The following NDUFS1 variants were observed in gnomAD, a reference collection of about 807,000 sequenced individuals.
The protein encoded by NDUFS1 is NADH:ubiquinone oxidoreductase core subunit S1.
NDUFS1 carries 61 observed loss-of-function variants against 84.4 expected under a neutral mutation model. That is an observed-to-expected ratio of 0.72 (90% confidence interval 0.59 to 0.89). The LOEUF (loss-of-function observed/expected upper bound fraction) is 0.89, where lower values mean the gene tolerates loss of function less well. NDUFS1 is among the 40% of genes least tolerant of loss of function. The probability of loss-of-function intolerance (pLI) is 0.00; values close to 1 mark genes in which losing one functional copy is unlikely to be tolerated. For missense variants in NDUFS1, 891 were observed against 890.0 expected (o/e 1.00, Z -0.01); for synonymous variants, 275 against 290.0 (o/e 0.95, Z 0.53).
rs2105782198 is a variant in NDUFS1, at chr2:206,159,415, T to C, written c.-79A>G. ...ACGACCCCCTAGGAGGCCGGGTCGC[T>C]TATTCAATATGGCGGCCTCGGCTAA... On this transcript the variant is annotated 5_prime_UTR_variant, in exon 1 of 19. Transcript: ENST00000233190. 2.1e-6 allele frequency: 1 copy of C among 487,616 alleles called. No homozygotes were observed. Among genetic ancestry groups the C allele is most frequent in the Non-Finnish European group, 3.7e-6 (1 of 271,100 alleles). 30.2% of individuals were successfully genotyped at this position (487,616 alleles called of 1,614,324 possible).
chr2:206,116,239 T>G lies in NDUFS1; in HGVS notation c.*7946A>C, dbSNP rs1559035517. 3.3e-6 allele frequency: 4 copies of G among 1,197,788 alleles called. No individual in the cohort carries two copies. In the East Asian group the frequency reaches 9.3e-5, roughly 28 times the overall value. 74.2% of individuals were successfully genotyped at this position (1,197,788 alleles called of 1,614,324 possible). A position where few individuals can be genotyped will look rare whatever the true frequency, so the allele number is the denominator to read the frequency against. On this transcript the variant is annotated 3_prime_UTR_variant, in exon 19 of 19. Coordinates refer to ENST00000233190, the MANE Select transcript of NDUFS1 (RefSeq NM_005006.7). ...CATAACGAGATTTGTTTACAAGTCC[T>G]GGATTTTCTGCAAGAGCTTCATTAA...
rs747302489 is a variant in NDUFS1, at chr2:206,149,051, G to T, written c.307C>A (p.Leu103Ile). Residue 103 changes from leucine to isoleucine, a missense_variant, in exon 5 of 19, where the codon CTA becomes ATA. Coordinates refer to ENST00000233190, the MANE Select transcript of NDUFS1 (RefSeq NM_005006.7). ...TTTTTGGATTTTTCTGAGTTTGTTA[G>T]GATATTCCAACCCTTCATTACTGGC... is the stretch of plus-strand genomic sequence containing the variant. ...AMPVMKGWNI[L>I]TNSEKSKKAR... The T allele has an allele frequency of 5.0e-6, 8 of 1,613,084 alleles. No homozygotes were observed. In the South Asian group the frequency reaches 8.8e-5, roughly 18 times the overall value.
In NDUFS1 at chr2:206,133,120, A is replaced by C. The variant is rs1691580395; in HGVS notation, c.1393-15T>G. The C allele has an allele frequency of 3.1e-6, 5 of 1,590,792 alleles. No homozygotes were observed. In the East Asian group the frequency reaches 9.0e-5, roughly 28 times the overall value. ...TCCTTTAGGACCTATTTAAAAAAAA[A>C]AACAACTTTGATTTTAAAATATTAC... is the stretch of plus-strand genomic sequence containing the variant. On this transcript the variant is annotated splice_polypyrimidine_tract_variant and intron_variant, in intron 13 of 18. Transcript: ENST00000233190.
At chr2:206,130,588 C>A (rs1480879477) in intron 14 of NDUFS1, among the ~76,000 whole-genome samples, 1 of 152,176 alleles carries the variant, frequency 6.6e-6, no homozygotes, top group Non-Finnish European at 1.5e-5. Context: ...CTCTTGACCT[C>A]AGGTGATCCA....
At chr2:206,133,878 G>A (rs1326693629) in intron 13 of NDUFS1, among the ~76,000 whole-genome samples, 1 of 152,228 alleles carries the variant, frequency 6.6e-6, no homozygotes, top group Non-Finnish European at 1.5e-5. Context: ...TACACAGGAG[G>A]CTGAGGCACG....
At chr2:206,125,073 T>C (rs1691237512) in intron 18 of NDUFS1, among the ~76,000 whole-genome samples, 1 of 138,092 alleles carries the variant, frequency 7.2e-6, no homozygotes, top group East Asian at 2.0e-4. Context: ...CTGAAACTCC[T>C]GGATTCAAGC....
intron 18 of NDUFS1, among the ~76,000 whole-genome samples, chr2:206,124,859 T>C (rs547982843): frequency 6.6e-6 from 1 of 151,906 alleles, no homozygotes; most frequent in Admixed American, 6.6e-5. Flanking sequence ...AATAAATAAA[T>C]AAATATAGGA....
intron 13 of NDUFS1, 47 bp from the exon 14 acceptor site, chr2:206,133,152 G>A: frequency 6.8e-7 from 1 of 1,470,568 alleles, no homozygotes; most frequent in Non-Finnish European, 9.3e-7. Context: ...TTACAAGTAA[G>A]CTGAACACCA....
intron 15 of NDUFS1, 52 bp from the exon 16 acceptor site, chr2:206,128,024 C>T: frequency 2.6e-6 from 4 of 1,565,708 alleles, no homozygotes; most frequent in Non-Finnish European, 2.6e-6. Context: ...AACTGATTTT[C>T]TACTGTACAT....
intron 7 of NDUFS1, 92 bp downstream of exon 7, chr2:206,147,439 T>C (rs1692196506): frequency 7.7e-7 from 1 of 1,299,096 alleles, no homozygotes; most frequent in Non-Finnish European, 1.1e-6. Context: ...CCAAAAAAAG[T>C]AGCCATTCTT....
At position 206,138,547 on chromosome 2, in the gene NDUFS1, G is replaced by A. The variant is rs373339826; in HGVS notation, c.1330C>T (p.His444Tyr). Reference sequence around the variant, plus strand: ...AGAATTTTGGGGGAGTCTCCCAGGTGGTCATATGTGTAAGTGAGGTCCACT... The same window carrying A: ...AGAATTTTGGGGGAGTCTCCCAGGTAGTCATATGTGTAAGTGAGGTCCACT... ...SPVDLTYTYDHLGDSPKILQD... is the reference protein window; with the variant it reads ...SPVDLTYTYDYLGDSPKILQD... Residue 444 changes from histidine (H) to tyrosine (Y), a missense_variant, in exon 13 of 19, where the codon CAC (histidine) becomes TAC (tyrosine). Coordinates refer to ENST00000233190, the MANE Select transcript of NDUFS1 (RefSeq NM_005006.7). 94 of 1,613,596 alleles carry A rather than the reference G, an allele frequency of 5.8e-5. No individual in the cohort carries two copies. The highest frequency in any genetic ancestry group is 1.6e-4 in the Middle Eastern group (1 of 6,084).
intron 3 of NDUFS1, among the ~76,000 whole-genome samples, chr2:206,151,918 T>C (rs1692383702): frequency 2.0e-5 from 3 of 152,168 alleles, no homozygotes; most frequent in Admixed American, 1.3e-4. Context: ...CAGGCTGGAG[T>C]GCAGTGGCAC....
At chr2:206,140,064 C>T (rs1691876652) in intron 12 of NDUFS1, among the ~76,000 whole-genome samples, 2 of 152,012 alleles carry the variant, frequency 1.3e-5, no homozygotes, top group Non-Finnish European at 2.9e-5. Context: ...AAATTTCTGG[C>T]TGGATGCAGT....
chr2:206,138,677 A>G (rs1466834827), intron 12 of NDUFS1, 63 bp from the exon 13 acceptor site: 2 of 1,491,910 alleles, frequency 1.3e-6, no homozygotes, highest in East Asian at 2.3e-5. Context: ...GGTCTCATCA[A>G]TCCTAAGTGA....
intron 1 of NDUFS1, among the ~76,000 whole-genome samples, chr2:206,158,910 C>T (rs1208353247): frequency 2.0e-5 from 3 of 152,214 alleles, no homozygotes; most frequent in African/African-American, 7.2e-5. Context: ...TGAGCCATTG[C>T]TAACACAACA....
rs1687821564 is a variant in NDUFS1 at position 206,159,410 on chromosome 2, G to A, written c.-74C>T. On this transcript the variant is annotated 5_prime_UTR_variant, in exon 1 of 19. Transcript: ENST00000233190. ...CCACGACGACCCCCTAGGAGGCCGG[G>A]TCGCTTATTCAATATGGCGGCCTCG... The A allele has an allele frequency of 6.0e-6, 3 of 502,138 alleles. No individual in the cohort carries two copies. The highest frequency in any genetic ancestry group is 1.1e-5 in the Non-Finnish European group (3 of 279,900). The allele number at this position is 502,138 out of a possible 1,614,324, so 31.1% of individuals were successfully genotyped here.
chr2:206,120,013 G>A lies in NDUFS1; in HGVS notation c.*4172C>T, dbSNP rs1691053690. ...GGTGATGAGTGAGATCTTAGTTCAT[G>A]TGAAATTTGGTTGTTTAGAGTCTGG... On this transcript the variant is annotated 3_prime_UTR_variant, in exon 19 of 19. Transcript: ENST00000233190. The A allele has an allele frequency of 6.6e-6, 1 of 152,108 alleles. No individual in the cohort carries two copies. The highest frequency in any genetic ancestry group is 2.4e-5 in the African/African-American group (1 of 41,412). The allele number at this position is 152,108 out of a possible 1,614,324, so 9.4% of individuals were successfully genotyped here.
chr2:206,137,754 A>C (rs1438991749), intron 13 of NDUFS1, among the ~76,000 whole-genome samples: 1 of 152,206 alleles, frequency 6.6e-6, no homozygotes, highest in Admixed American at 6.6e-5. Flanking sequence ...GAAAGAACTC[A>C]AATGAAAAAA....
Position 206,141,524 on chromosome 2 carries a change from T to C in NDUFS1, c.1262+417A>G, listed in dbSNP as rs147235203. 2.0e-3 allele frequency among the ~76,000 whole-genome samples: 301 copies of C among 150,342 alleles called. 1 individual carries two copies. The highest frequency in any genetic ancestry group is 7.0e-3 in the African/African-American group (285 of 40,792). On this transcript the variant is annotated intron_variant, in intron 12 of 18. Coordinates refer to ENST00000233190, the MANE Select transcript of NDUFS1 (RefSeq NM_005006.7). The stretch of plus-strand genomic sequence containing the variant: ...TCCAGCCTGGGCGACAAAGCGAGAC[T>C]CTGTCTCAAAGACAAAAAAATAAAA...
Sources: allele counts gnomAD v4.1 joint callset (sites outside exome capture counted in the v4.1 genomes callset), GRCh38; gene constraint gnomAD v4.1.1; transcripts MANE v1.5; gene names NCBI Gene and HGNC (gene_info 2026-07-23, HGNC 2026-07-21).